COX5A: variants seen among roughly 807,000 people sequenced by gnomAD.
The protein encoded by COX5A is cytochrome c oxidase subunit 5A, mitochondrial.
In COX5A, 6 loss-of-function variants were observed where a neutral mutation model predicts 16.1. The ratio of observed to expected loss-of-function variants is 0.37; its 90% CI spans 0.20 to 0.73. The LOEUF (loss-of-function observed/expected upper bound fraction) is 0.73. Among genes scored for constraint, COX5A ranks in the 30% least tolerant of loss-of-function variants. The probability of loss-of-function intolerance (pLI) is 0.50; values close to 1 mark genes in which losing one functional copy is unlikely to be tolerated. For synonymous variants in COX5A, 73 were observed against 73.8 expected, an observed-to-expected ratio of 0.99 and a Z score of 0.06; for missense variants, 159 against 194.9, an observed-to-expected ratio of 0.82 and a Z score of 1.10.
intron 3 of COX5A, among the ~76,000 whole-genome samples, chr15:74,925,094 G>A (rs1011068552): frequency 1.3e-5 from 2 of 152,052 alleles, no homozygotes; most frequent in South Asian, 4.2e-4. Flanking sequence ...AGGCTGAGGC[G>A]GGCGGATCAA....
chr15:74,921,421 AAAAAAG>A (rs1330453193), intron 4 of COX5A, among the ~76,000 whole-genome samples: 3 of 147,914 alleles, frequency 2.0e-5, no homozygotes, highest in Non-Finnish European at 3.0e-5. Context: ...AAAAAAAAAA[AAAAAAG>A]AAAAAGAATA....
Position 74,926,899 on chromosome 15 carries a change from A to T in COX5A, c.218-12T>A. ...AAGTGTGTTTATCCCTGCAAAATTAAAAAGAAGGGCCATGTCAACCTCGAA... is the reference window on the plus strand; with the variant it reads ...AAGTGTGTTTATCCCTGCAAAATTATAAAGAAGGGCCATGTCAACCTCGAA... On this transcript the variant is annotated splice_polypyrimidine_tract_variant and intron_variant, in intron 2 of 4. Transcript: ENST00000322347. 6.2e-7 allele frequency: 1 copy of T among 1,605,268 alleles called. No homozygotes were observed. Among genetic ancestry groups the T allele is most frequent in the Non-Finnish European group, 8.5e-7 (1 of 1,177,212 alleles).
At chr15:74,935,018 T>C (rs1351926582) in intron 1 of COX5A, among the ~76,000 whole-genome samples, 1 of 152,218 alleles carries the variant, frequency 6.6e-6, no homozygotes, top group East Asian at 1.9e-4. Flanking sequence ...GGCTCATTGA[T>C]CCTTTGGGTT....
rs1387254557 is a variant in COX5A, at chr15:74,937,989, C to G, written c.26G>C (p.Cys9Ser). The change falls in exon 1 of 5, where the codon TGC (cysteine) becomes TCC (serine). Residue 9 changes from cysteine (C) to serine (S), a missense_variant. Coordinates refer to ENST00000322347, the MANE Select transcript of COX5A (RefSeq NM_004255.4). ...GGCCCGGGTGGTTGCGGCCACAGCGCAGCGGCGGAGAGCGGCGCCCAGCAT... is the reference window on the plus strand; with the variant it reads ...GGCCCGGGTGGTTGCGGCCACAGCGGAGCGGCGGAGAGCGGCGCCCAGCAT... Reference protein sequence around the residue: MLGAALRRCAVAATTRADP... With the variant: MLGAALRRSAVAATTRADP... 8.1e-7 allele frequency: 1 copy of G among 1,232,588 alleles called. No individual in the cohort carries two copies. The highest frequency in any genetic ancestry group is 1.0e-6 in the Non-Finnish European group (1 of 988,180). 76.4% of individuals were successfully genotyped at this position (1,232,588 alleles called of 1,614,324 possible).
intron 1 of COX5A, among the ~76,000 whole-genome samples, chr15:74,934,253 A>C (rs2065379295): frequency 6.6e-6 from 1 of 152,198 alleles, no homozygotes; most frequent in African/African-American, 2.4e-5. Context: ...TATATCAAAC[A>C]AATTAAAATA....
chr15:74,921,542 C>G (rs1345260452), intron 4 of COX5A, among the ~76,000 whole-genome samples: 1 of 151,580 alleles, frequency 6.6e-6, no homozygotes, highest in Non-Finnish European at 1.5e-5. Flanking sequence ...CCAGCCTGGC[C>G]AACATGGCGA....
chr15:74,931,831 G>A (rs1414407477), intron 1 of COX5A, among the ~76,000 whole-genome samples: 1 of 152,110 alleles, frequency 6.6e-6, no homozygotes, highest in Non-Finnish European at 1.5e-5. Flanking sequence ...TGGGATTACA[G>A]ACGCGAGCCA....
chr15:74,937,469 A>T, intron 1 of COX5A, among the ~76,000 whole-genome samples: 1 of 152,174 alleles, frequency 6.6e-6, no homozygotes, highest in East Asian at 1.9e-4. Context: ...CTGATTGAAA[A>T]GTATAATCGT....
In COX5A at chr15:74,938,047, A is replaced by AGAGAAGCCGGTGT; in HGVS notation, c.-46_-34dup. 1 of 1,212,388 alleles carries AGAGAAGCCGGTGT rather than the reference A, an allele frequency of 8.2e-7. No individual in the cohort carries two copies. Among genetic ancestry groups the AGAGAAGCCGGTGT allele is most frequent in the Non-Finnish European group, 1.0e-6 (1 of 971,472 alleles). 75.1% of individuals were successfully genotyped at this position (1,212,388 alleles called of 1,614,324 possible). ...ATGGCGGCGCGCGGGCTGAGGACAG[A>AGAGAAGCCGGTGT]GAGAAGCCGGTGTAAGCTCGCGGGT... On this transcript the variant is annotated 5_prime_UTR_variant, in exon 1 of 5. Coordinates refer to ENST00000322347, the MANE Select transcript of COX5A (RefSeq NM_004255.4).
chr15:74,924,309 C>A (rs1276859797), intron 3 of COX5A, among the ~76,000 whole-genome samples: 1 of 151,738 alleles, frequency 6.6e-6, no homozygotes, highest in Non-Finnish European at 1.5e-5. Context: ...GAGGCCAAGG[C>A]GGGTGGATCA....
At chr15:74,934,691 A>T (rs1595863656) in intron 1 of COX5A, among the ~76,000 whole-genome samples, 1 of 152,108 alleles carries the variant, frequency 6.6e-6, no homozygotes, top group South Asian at 2.1e-4. Flanking sequence ...TCTATTAGCT[A>T]TGGACACATC....
intron 4 of COX5A, 147 bp from the exon 5 acceptor site, chr15:74,920,589 C>A: frequency 1.7e-6 from 1 of 578,778 alleles, no homozygotes; most frequent in Non-Finnish European, 3.0e-6. Flanking sequence ...TACTGTCAAC[C>A]CACAAGCGAC....
chr15:74,923,615 T>C (rs780153105), intron 4 of COX5A, 33 bp downstream of exon 4: 2 of 1,292,478 alleles, frequency 1.5e-6, no homozygotes, highest in South Asian at 1.2e-5. Flanking sequence ...CTCTGGATTG[T>C]TTTCCTGCCT....
At chr15:74,929,554 C>A (rs989229388) in intron 1 of COX5A, among the ~76,000 whole-genome samples, 1 of 152,134 alleles carries the variant, frequency 6.6e-6, no homozygotes, top group African/African-American at 2.4e-5. Context: ...ACTTTATATA[C>A]TTCCATATTG....
Position 74,923,757 on chromosome 15 carries a change from G to A in COX5A, c.353C>T (p.Pro118Leu). Residue 118 changes from proline to leucine, a missense_variant, in exon 4 of 5, where the codon CCT (proline) becomes CTT (leucine). Pro to Leu is a moderately conservative substitution (Grantham distance 98, BLOSUM62 -3). Coordinates refer to ENST00000322347, the MANE Select transcript of COX5A (RefSeq NM_004255.4). ...ILEVVKDKAG[P>L]HKEIYPYVIQ... Reference sequence around the variant, plus strand: ...GACATAGGGGTAGATTTCCTTATGAGGTCCTGCTTTGTCCTGATGGCAAAG... The same window carrying A: ...GACATAGGGGTAGATTTCCTTATGAAGTCCTGCTTTGTCCTGATGGCAAAG... The A allele has an allele frequency of 6.2e-7, 1 of 1,600,832 alleles. No homozygotes were observed. Among genetic ancestry groups the A allele is most frequent in the Non-Finnish European group, 8.6e-7 (1 of 1,169,398 alleles).
intron 1 of COX5A, among the ~76,000 whole-genome samples, chr15:74,935,685 C>T (rs1595863867): frequency 1.3e-5 from 2 of 151,734 alleles, no homozygotes; most frequent in African/African-American, 2.4e-5. Flanking sequence ...CTCTGCCTCC[C>T]GGGTTCAAGC....
chr15:74,936,949 A>G (rs2065393616), intron 1 of COX5A, among the ~76,000 whole-genome samples: 1 of 151,952 alleles, frequency 6.6e-6, no homozygotes, highest in African/African-American at 2.4e-5. Context: ...TTTAATTTTT[A>G]ACTTCAGCAT....
chr15:74,921,106 T>C (rs1160642164), intron 4 of COX5A, among the ~76,000 whole-genome samples: 1 of 152,286 alleles, frequency 6.6e-6, no homozygotes, highest in Non-Finnish European at 1.5e-5. Flanking sequence ...TAGGAGTTCA[T>C]TATAGAATAT....
At chr15:74,936,317 A>C (rs1388265583) in intron 1 of COX5A, among the ~76,000 whole-genome samples, 2 of 127,304 alleles carry the variant, frequency 1.6e-5, no homozygotes, top group African/African-American at 5.2e-5. Context: ...AAACAAACAA[A>C]AAAAAACAAG....
Sources: allele counts gnomAD v4.1 joint callset (sites outside exome capture counted in the v4.1 genomes callset), GRCh38; gene constraint gnomAD v4.1.1; transcripts MANE v1.5; gene names NCBI Gene and HGNC (gene_info 2026-07-23, HGNC 2026-07-21).